Variants in AXL observed in about 807,000 individuals in gnomAD.
The protein encoded by AXL is tyrosine-protein kinase receptor UFO.
AXL carries 52 observed loss-of-function variants against 104.5 expected under a neutral mutation model. The observed-to-expected ratio is 0.50, with a 90% CI of 0.40 to 0.63. The LOEUF (loss-of-function observed/expected upper bound fraction) is 0.63. AXL is among the 20% of genes least tolerant of loss of function. The probability of loss-of-function intolerance (pLI) is 0.00; values close to 1 mark genes in which losing one functional copy is unlikely to be tolerated. For missense variants in AXL, 1,024 were observed against 1,188.5 expected (o/e 0.86, Z 2.04); for synonymous variants, 455 against 473.7 (o/e 0.96, Z 0.51).
Position 41,259,891 on chromosome 19 carries a change from A to C in AXL, c.2672A>C (p.Glu891Ala). 1 of 1,579,232 alleles carries C rather than the reference A, an allele frequency of 6.3e-7. No homozygotes were observed. Among genetic ancestry groups the C allele is most frequent in the East Asian group, 2.2e-5 (1 of 44,456 alleles). The change falls in exon 20 of 20, where the codon GAG (glutamate) becomes GCG (alanine). Residue 891 changes from glutamate to alanine, a missense_variant. Transcript: ENST00000301178. Reference sequence around the variant, plus strand: ...GGCTCCCCAGCAGCCCCAGGGCAGGAGGATGGTGCCTGAGACAACCCTCCA... The same window carrying C: ...GGCTCCCCAGCAGCCCCAGGGCAGGCGGATGGTGCCTGAGACAACCCTCCA... ...DRGSPAAPGQ[E>A]DGA is the part of the protein sequence containing the mutation.
intron 1 of AXL, chr19:41,220,262 A>C (rs4803446): frequency 0.34 from 59,340 of 177,000 alleles, 9,797 homozygotes; most frequent in Non-Finnish European, 0.36. Context: ...CACCACCCTT[A>C]TCTCTCTCCC....
intron 4 of AXL, among the ~76,000 whole-genome samples, chr19:41,225,026 C>T (rs1030388788): frequency 6.6e-6 from 1 of 152,112 alleles, no homozygotes; most frequent in South Asian, 2.1e-4. Flanking sequence ...TGTTTTGAGA[C>T]GGAGTCTCAC....
intron 6 of AXL, 106 bp downstream of exon 6, chr19:41,231,404 G>A: frequency 9.7e-7 from 1 of 1,035,280 alleles, no homozygotes; most frequent in Non-Finnish European, 1.4e-6. Context: ...CCACTGTTGA[G>A]AAGCAGTAGA....
At chr19:41,223,856 G>A (rs948750559) in intron 4 of AXL, among the ~76,000 whole-genome samples, 7 of 152,162 alleles carry the variant, frequency 4.6e-5, no homozygotes, top group Non-Finnish European at 8.8e-5. Flanking sequence ...GGTGGTGGTG[G>A]GGTGTCTGGA....
At chr19:41,259,511 G>A in intron 19 of AXL, 42 bp from the exon 20 acceptor site, 1 of 1,528,448 alleles carries the variant, frequency 6.5e-7, no homozygotes, top group Non-Finnish European at 8.9e-7. Context: ...CACCCCTTCT[G>A]AGTCCCTGCT....
intron 12 of AXL, among the ~76,000 whole-genome samples, chr19:41,246,777 A>G (rs533326054): frequency 6.6e-6 from 1 of 152,162 alleles, no homozygotes; most frequent in East Asian, 1.9e-4. Flanking sequence ...CTGATCTCCA[A>G]CTCCAGGCCT....
chr19:41,235,652 G>A lies in AXL; in HGVS notation c.784-2292G>A, dbSNP rs79246881. Among the ~76,000 whole-genome samples the A allele has an allele frequency of 3.4e-3, 516 of 152,210 alleles. 3 individuals are homozygous for A. The highest frequency in any genetic ancestry group is 6.8e-3 in the Middle Eastern group (2 of 294). On this transcript the variant is annotated intron_variant, in intron 6 of 19. Transcript: ENST00000301178. ...TGTTACCATTACTGATATTCTTACC[G>A]CCAGTAGAGCAAAGACTCTGGGGAC...
intron 10 of AXL, among the ~76,000 whole-genome samples, chr19:41,242,003 T>A (rs2034190490): frequency 6.6e-6 from 1 of 152,174 alleles, no homozygotes; most frequent in Non-Finnish European, 1.5e-5. Flanking sequence ...TACACTCTAG[T>A]CCACCCTTCT....
chr19:41,254,390 A>AG (rs1555732476), intron 17 of AXL, among the ~76,000 whole-genome samples: 96 of 145,350 alleles, frequency 6.6e-4, no homozygotes, highest in African/African-American at 2.3e-3. Context: ...AAAAAAAAAA[A>AG]AAAGAAAGAA....
chr19:41,231,086 G>A (rs1480884033), intron 5 of AXL, 39 bp downstream of exon 5: 2 of 1,612,776 alleles, frequency 1.2e-6, no homozygotes, highest in African/African-American at 1.3e-5. Context: ...GCGTCAGAGG[G>A]TGGGGTTTGG....
At chr19:41,248,451 G>A in intron 12 of AXL, 63 bp from the exon 13 acceptor site, 1 of 1,472,156 alleles carries the variant, frequency 6.8e-7, no homozygotes, top group Non-Finnish European at 9.5e-7. Context: ...CCTACTGGTG[G>A]GTGAATGTCA....
At position 41,221,963 on chromosome 19, in the gene AXL, C is replaced by G. The variant is rs759394283; in HGVS notation, c.493C>G (p.Pro165Ala). 71 of 1,612,306 alleles carry G rather than the reference C, an allele frequency of 4.4e-5. No individual in the cohort carries two copies. Among genetic ancestry groups the G allele is most frequent in the Non-Finnish European group, 5.7e-5 (67 of 1,179,416 alleles). ...CAACCTGAGCTGCCAAGCTCAGGGA[C>G]CCCCAGAGCCCGTGGACCTACTCTG... is the stretch of plus-strand genomic sequence containing the variant. ...PFNLSCQAQG[P>A]PEPVDLLWLQ... is the part of the protein sequence containing the mutation. The change falls in exon 4 of 20, where the codon CCC becomes GCC. Residue 165 changes from proline (P) to alanine (A), a missense_variant. Pro to Ala is a conservative substitution (Grantham distance 27, BLOSUM62 -1). Coordinates refer to ENST00000301178, the MANE Select transcript of AXL (RefSeq NM_021913.5).
intron 12 of AXL, among the ~76,000 whole-genome samples, chr19:41,246,776 A>G (rs1479478663): frequency 6.6e-6 from 1 of 152,138 alleles, no homozygotes; most frequent in Non-Finnish European, 1.5e-5. Flanking sequence ...GCTGATCTCC[A>G]ACTCCAGGCC....
chr19:41,237,826 A>G (rs2034106584), intron 6 of AXL, 118 bp from the exon 7 acceptor site: 1 of 917,918 alleles, frequency 1.1e-6, no homozygotes, highest in African/African-American at 1.7e-5. Flanking sequence ...TGGCACTGCA[A>G]CACACACGCA....
intron 4 of AXL, 33 bp from the exon 5 acceptor site, chr19:41,230,934 G>A (rs1365398879): frequency 8.1e-6 from 13 of 1,607,626 alleles, no homozygotes; most frequent in Admixed American, 3.3e-5. Flanking sequence ...GCCCCTCTCT[G>A]ATATTGGACC....
intron 16 of AXL, 49 bp from the exon 17 acceptor site, chr19:41,253,550 G>C: frequency 1.5e-6 from 2 of 1,307,284 alleles, no homozygotes; most frequent in Non-Finnish European, 2.2e-6. Flanking sequence ...AGGAGGGATC[G>C]CATCAAGGAC....
Position 41,256,627 on chromosome 19 carries a change from C to T in AXL, c.2196+16C>T, listed in dbSNP as rs2034457356. 8 of 1,609,018 alleles carry T rather than the reference C, an allele frequency of 5.0e-6. No individual in the cohort carries two copies. The highest frequency in any genetic ancestry group is 1.3e-5 in the African/African-American group (1 of 74,950). On this transcript the variant is annotated intron_variant, in intron 18 of 19. Transcript: ENST00000301178. ...GAGCGATGTGGTAGGTGCACTCCCG[C>T]CAAGAGTGGGGAACCATGGGAGGGC...
intron 10 of AXL, among the ~76,000 whole-genome samples, chr19:41,242,105 T>G (rs2034191889): frequency 6.6e-6 from 1 of 151,940 alleles, no homozygotes; most frequent in Non-Finnish European, 1.5e-5. Flanking sequence ...GGCACACTCA[T>G]AACGCGTTCC....
At chr19:41,220,406 C>T (rs1335887666) in intron 1 of AXL, 5 of 514,462 alleles carry the variant, frequency 9.7e-6, no homozygotes, top group South Asian at 2.2e-5. Flanking sequence ...TGCCAGATCC[C>T]GAGCCTCCTT....
Sources: gnomAD v4.1 joint callset for allele counts (sites outside exome capture counted in the v4.1 genomes callset) on GRCh38, gnomAD v4.1.1 for gene constraint, MANE v1.5 for transcripts, NCBI Gene and HGNC (gene_info 2026-07-23, HGNC 2026-07-21) for gene names.